Variants in OPCML observed in about 807,000 individuals in gnomAD.
The protein encoded by OPCML is opioid binding protein/cell adhesion molecule like.
OPCML carries 13 observed loss-of-function variants against 37.8 expected under a neutral mutation model. The observed-to-expected ratio is 0.34, with a 90% CI of 0.22 to 0.55. The LOEUF (loss-of-function observed/expected upper bound fraction) is 0.55. Ranked by LOEUF, OPCML falls within the 20% of genes least tolerant of loss-of-function variation. The pLI is 0.91. For synonymous variants in OPCML, 176 were observed against 168.8 expected (o/e 1.04, Z -0.33); for missense variants, 341 against 435.6 (o/e 0.78, Z 1.93).
At chr11:133,432,466 T>C (rs1946142923) in intron 1 of OPCML, among the ~76,000 whole-genome samples, 1 of 152,128 alleles carries the variant, frequency 6.6e-6, no homozygotes. Context: ...GCCTCAAACT[T>C]CTGGGCTCAA....
At chr11:132,732,447 G>T (rs1023274004) in intron 2 of OPCML, among the ~76,000 whole-genome samples, 4 of 152,128 alleles carry the variant, frequency 2.6e-5, no homozygotes, top group Non-Finnish European at 1.5e-5. Context: ...TATCTTGAGG[G>T]TATTGAGTCT....
intron 1 of OPCML, chr11:133,297,257 T>G (rs908720653): frequency 1.8e-4 from 27 of 152,222 alleles, no homozygotes; most frequent in African/African-American, 5.8e-4. Flanking sequence ...CCACCTTATA[T>G]TCCACTGAGA....
chr11:133,526,089 G>A (rs1565683826), intron 1 of OPCML, among the ~76,000 whole-genome samples: 1 of 152,226 alleles, frequency 6.6e-6, no homozygotes, highest in Non-Finnish European at 1.5e-5. Flanking sequence ...TGGGGTGGGG[G>A]TGGCGACAGG....
At chr11:132,631,452 G>GTA (rs540799184) in intron 3 of OPCML, among the ~76,000 whole-genome samples, 334 of 146,092 alleles carry the variant, frequency 2.3e-3, no homozygotes, top group African/African-American at 7.8e-3. Flanking sequence ...ACATACATAT[G>GTA]TATATATATA....
intron 1 of OPCML, among the ~76,000 whole-genome samples, chr11:133,037,561 A>G (rs976363562): frequency 6.6e-6 from 1 of 152,164 alleles, no homozygotes; most frequent in South Asian, 2.1e-4. Flanking sequence ...TATATATGAG[A>G]TCATTTTGCC....
At chr11:132,716,390 TTATCTATCTATCTATCTGTCTGTCTATC>T (rs201831868) in intron 2 of OPCML, among the ~76,000 whole-genome samples, 4,210 of 149,612 alleles carry the variant, frequency 0.028, 141 homozygotes, top group African/African-American at 0.07. Flanking sequence ...ATCTGTCTAT[TTATCTATCTATCTATCTGTCTGTCTATC>T]TATCTATCTA....
chr11:132,426,291 A>G (rs1372124845), intron 7 of OPCML, among the ~76,000 whole-genome samples: 1 of 152,230 alleles, frequency 6.6e-6, no homozygotes. Context: ...TTATGGCCAG[A>G]GCAGGTCCAT....
At chr11:133,282,407 G>A (rs1027414511) in intron 1 of OPCML, among the ~76,000 whole-genome samples, 1 of 152,218 alleles carries the variant, frequency 6.6e-6, no homozygotes, top group Admixed American at 6.5e-5. Context: ...TGCACATGGC[G>A]CTAAGTCAGC....
intron 1 of OPCML, among the ~76,000 whole-genome samples, chr11:133,015,132 C>A (rs1352116541): frequency 6.6e-6 from 1 of 151,960 alleles, no homozygotes; most frequent in African/African-American, 2.4e-5. Context: ...AATAAATTTA[C>A]ATAGATCTGA....
chr11:133,094,575 TTTATC>T (rs1190452470), intron 1 of OPCML, among the ~76,000 whole-genome samples: 2 of 152,194 alleles, frequency 1.3e-5, no homozygotes, highest in Non-Finnish European at 2.9e-5. Flanking sequence ...TTTTTAGTTG[TTTATC>T]TTGTTAGTAG....
chr11:132,635,382 T>A (rs1304779718), intron 3 of OPCML, among the ~76,000 whole-genome samples: 1 of 152,144 alleles, frequency 6.6e-6, no homozygotes, highest in Non-Finnish European at 1.5e-5. Flanking sequence ...ACAAAAACTT[T>A]AGTCAAATGT....
chr11:133,355,303 C>T (rs1944257906), intron 1 of OPCML, among the ~76,000 whole-genome samples: 1 of 152,230 alleles, frequency 6.6e-6, no homozygotes, highest in African/African-American at 2.4e-5. Flanking sequence ...CTTCCTGTTT[C>T]TCAGTTCCAA....
intron 2 of OPCML, among the ~76,000 whole-genome samples, chr11:132,775,695 G>A (rs1211519062): frequency 1.3e-5 from 2 of 152,132 alleles, no homozygotes; most frequent in African/African-American, 2.4e-5. Context: ...AGTACCTCGG[G>A]TGCCTGGCCC....
chr11:132,682,260 T>C (rs1021709331), intron 2 of OPCML, among the ~76,000 whole-genome samples: 53 of 152,134 alleles, frequency 3.5e-4, no homozygotes, highest in African/African-American at 1.2e-3. Flanking sequence ...CAGGGAAAAT[T>C]TCCTGTTTCA....
intron 1 of OPCML, among the ~76,000 whole-genome samples, chr11:133,402,864 C>A (rs1188147592): frequency 6.6e-6 from 1 of 152,234 alleles, no homozygotes; most frequent in East Asian, 1.9e-4. Flanking sequence ...CAAGGCCAAA[C>A]CAAGGTAGGA....
intron 4 of OPCML, among the ~76,000 whole-genome samples, chr11:132,502,991 A>C (rs1001652966): frequency 6.6e-6 from 1 of 152,182 alleles, no homozygotes; most frequent in East Asian, 1.9e-4. Context: ...GATGGGCTCC[A>C]TTTTACAGAT....
chr11:132,932,300 A>G (rs139965715), intron 2 of OPCML, among the ~76,000 whole-genome samples: 4 of 152,292 alleles, frequency 2.6e-5, no homozygotes, highest in South Asian at 2.1e-4. Context: ...ATTGGTTTAC[A>G]TGATACATTC....
intron 1 of OPCML, among the ~76,000 whole-genome samples, chr11:133,350,888 A>G (rs1290202471): frequency 6.6e-6 from 1 of 152,210 alleles, no homozygotes; most frequent in Non-Finnish European, 1.5e-5. Context: ...AAACTGTGTG[A>G]TGGCTCACAC....
intron 1 of OPCML, among the ~76,000 whole-genome samples, chr11:133,486,207 G>C (rs928183309): frequency 6.6e-6 from 1 of 152,162 alleles, no homozygotes; most frequent in African/African-American, 2.4e-5. Context: ...TTCACTAAGA[G>C]AATGTTTGTG....
Sources: allele counts gnomAD v4.1 joint callset (sites outside exome capture counted in the v4.1 genomes callset), GRCh38; gene constraint gnomAD v4.1.1; transcripts MANE v1.5; gene names NCBI Gene and HGNC (gene_info 2026-07-23, HGNC 2026-07-21).